TNRC6A: variants seen among roughly 807,000 people sequenced by gnomAD.
The protein encoded by TNRC6A is trinucleotide repeat-containing gene 6A protein.
TNRC6A carries 44 observed loss-of-function variants against 221.2 expected under a neutral mutation model. The ratio of observed to expected loss-of-function variants is 0.20; its 90% CI spans 0.16 to 0.26. The LOEUF is 0.26. Ranked by LOEUF, TNRC6A falls within the 10% of genes least tolerant of loss-of-function variation. TNRC6A has a pLI of 1.00. For synonymous variants in TNRC6A, 847 were observed against 838.5 expected, an observed-to-expected ratio of 1.01 and a Z score of -0.18; for missense variants, 2,199 against 2,404.4, an observed-to-expected ratio of 0.91 and a Z score of 1.79.
In TNRC6A at chr16:24,791,452, C is replaced by T. The variant is rs1277127310; in HGVS notation, c.2810C>T (p.Ser937Leu). 7.8e-6 allele frequency: 12 copies of T among 1,531,372 alleles called. 1 individual carries two copies. The highest frequency in any genetic ancestry group is 1.8e-4 in the Middle Eastern group (1 of 5,668). 94.9% of individuals were successfully genotyped at this position (1,531,372 alleles called of 1,614,324 possible). The change falls in exon 6 of 25, where the codon TCG becomes TTG. Residue 937 changes from serine (S) to leucine (L), a missense_variant. Coordinates refer to ENST00000395799, the MANE Select transcript of TNRC6A (RefSeq NM_014494.4). ...AATCAGTCTCTAGGTTGGGGAGATT[C>T]GTCAAAGCCAGTCAGCTCTCCAGAC... ...KSNQSLGWGD[S>L]SKPVSSPDWN...
chr16:24,622,010 G>A (rs1168434078), intron 1 of TNRC6A, among the ~76,000 whole-genome samples: 1 of 152,184 alleles, frequency 6.6e-6, no homozygotes, highest in Non-Finnish European at 1.5e-5. Flanking sequence ...AATGTATATT[G>A]TATTAGAAAA....
intron 1 of TNRC6A, among the ~76,000 whole-genome samples, chr16:24,620,237 C>T (rs765811629): frequency 2.0e-5 from 3 of 152,152 alleles, no homozygotes; most frequent in Admixed American, 6.5e-5. Flanking sequence ...AGTACTTCTG[C>T]AAGCCTCAAT....
chr16:24,805,141 T>C lies in TNRC6A; in HGVS notation c.4112T>C (p.Leu1371Pro). 1 of 1,614,140 alleles carries C rather than the reference T, an allele frequency of 6.2e-7. No individual in the cohort carries two copies. The highest frequency in any genetic ancestry group is 8.5e-7 in the Non-Finnish European group (1 of 1,180,016). ...NLRAQVPPPL[L>P]SPQVPVSLLK... ...CGTGCTCAAGTGCCTCCTCCATTACTCTCCCCTCAGGTAAATAAGCTTTCC... is the reference window on the plus strand; with the variant it reads ...CGTGCTCAAGTGCCTCCTCCATTACCCTCCCCTCAGGTAAATAAGCTTTCC... The change falls in exon 14 of 25, where the codon CTC (leucine) becomes CCC (proline). Residue 1371 changes from leucine (L) to proline (P), a missense_variant. Leu to Pro is a moderately conservative substitution (Grantham distance 98). Coordinates refer to ENST00000395799, the MANE Select transcript of TNRC6A (RefSeq NM_014494.4).
At chr16:24,628,098 C>T (rs1035014427) in intron 1 of TNRC6A, among the ~76,000 whole-genome samples, 12 of 151,854 alleles carry the variant, frequency 7.9e-5, no homozygotes, top group African/African-American at 2.9e-4. Context: ...GTTTGAACTG[C>T]ACAGTTTACT....
At chr16:24,819,714 G>T in intron 21 of TNRC6A, 1 of 199,266 alleles carries the variant, frequency 5.0e-6, no homozygotes, top group South Asian at 8.9e-5. Flanking sequence ...ATCTCCTTTG[G>T]CAGCTCCTGA....
intron 4 of TNRC6A, among the ~76,000 whole-genome samples, chr16:24,758,878 A>G (rs1484722415): frequency 6.6e-6 from 1 of 151,940 alleles, no homozygotes; most frequent in Non-Finnish European, 1.5e-5. Context: ...ATTAGACCCC[A>G]AGCAAAAGAC....
chr16:24,771,628 T>TGTTATG (rs1567449399), intron 4 of TNRC6A, among the ~76,000 whole-genome samples: 1 of 151,794 alleles, frequency 6.6e-6, no homozygotes, highest in Non-Finnish European at 1.5e-5. Flanking sequence ...TGTTATGTTA[T>TGTTATG]TCAGGAGTTG....
chr16:24,683,205 A>G (rs963893694), intron 2 of TNRC6A, among the ~76,000 whole-genome samples: 1 of 151,868 alleles, frequency 6.6e-6, no homozygotes, highest in Admixed American at 6.6e-5. Flanking sequence ...TGTTGTTACT[A>G]TTGTTGTTTT....
chr16:24,811,453 A>G lies in TNRC6A; in HGVS notation c.4672+1972A>G, dbSNP rs370905081. ...TTTTATTTTAGCCTTGGTTGGAGGC[A>G]GTTGGGCAAGGCTTCTAGGAGGCCT... On this transcript the variant is annotated intron_variant, in intron 18 of 24. Coordinates refer to ENST00000395799, the MANE Select transcript of TNRC6A (RefSeq NM_014494.4). Among the ~76,000 whole-genome samples, 4 of 152,144 alleles carry G rather than the reference A, an allele frequency of 2.6e-5. No individual in the cohort carries two copies. In the South Asian group the frequency reaches 6.2e-4, roughly 24 times the overall value.
intron 1 of TNRC6A, among the ~76,000 whole-genome samples, chr16:24,635,069 T>A (rs1901555561): frequency 6.6e-6 from 1 of 151,440 alleles, no homozygotes; most frequent in South Asian, 2.1e-4. Flanking sequence ...GTCACCTTTC[T>A]TTCTTTTTCT....
chr16:24,639,713 T>G (rs1385313269), intron 1 of TNRC6A, among the ~76,000 whole-genome samples: 1 of 152,078 alleles, frequency 6.6e-6, no homozygotes, highest in African/African-American at 2.4e-5. Context: ...TGATCATAGC[T>G]CACTGTAGCC....
chr16:24,809,117 T>TTA (rs1235715673), intron 17 of TNRC6A, among the ~76,000 whole-genome samples: 2 of 152,230 alleles, frequency 1.3e-5, no homozygotes, highest in African/African-American at 4.8e-5. Context: ...CCAAGTAAAC[T>TTA]TATACATCTG....
intron 2 of TNRC6A, among the ~76,000 whole-genome samples, chr16:24,703,789 T>G (rs2056036052): frequency 6.6e-6 from 1 of 152,130 alleles, no homozygotes; most frequent in South Asian, 2.1e-4. Flanking sequence ...ACTCTATGTT[T>G]AGATTTTTTT....
intron 2 of TNRC6A, among the ~76,000 whole-genome samples, chr16:24,687,840 A>AGAG (rs776184150): frequency 7.0e-6 from 1 of 143,210 alleles, no homozygotes; most frequent in Non-Finnish European, 1.5e-5. Flanking sequence ...AGGAAGAGGA[A>AGAG]GAGGAAGAAG....
At chr16:24,765,958 G>A (rs566880100) in intron 4 of TNRC6A, among the ~76,000 whole-genome samples, 52 of 152,200 alleles carry the variant, frequency 3.4e-4, no homozygotes, top group South Asian at 1.2e-3. Context: ...ACGTAGATTT[G>A]TTGCTTTTAA....
intron 5 of TNRC6A, among the ~76,000 whole-genome samples, chr16:24,781,211 A>G (rs974776175): frequency 1.3e-5 from 2 of 151,662 alleles, no homozygotes; most frequent in African/African-American, 4.9e-5. Flanking sequence ...GGCGTTCACC[A>G]CCACACCTGG....
intron 13 of TNRC6A, 55 bp from the exon 14 acceptor site, chr16:24,804,956 AATG>A: frequency 6.2e-7 from 1 of 1,614,024 alleles, no homozygotes; most frequent in South Asian, 1.1e-5. Flanking sequence ...ACAGTGTGGT[AATG>A]AGATGTTTGT....
intron 2 of TNRC6A, among the ~76,000 whole-genome samples, chr16:24,673,395 G>C (rs897825953): frequency 2.0e-5 from 3 of 152,096 alleles, no homozygotes; most frequent in African/African-American, 7.2e-5. Flanking sequence ...GTGTTCCACA[G>C]CCTTCCCAGA....
intron 2 of TNRC6A, among the ~76,000 whole-genome samples, chr16:24,654,533 C>T (rs111668275): frequency 6.6e-6 from 1 of 151,968 alleles, no homozygotes; most frequent in Admixed American, 6.6e-5. Flanking sequence ...GGTGAAACCC[C>T]GTCTATACTT....
Sources: allele counts gnomAD v4.1 joint callset (sites outside exome capture counted in the v4.1 genomes callset), GRCh38; gene constraint gnomAD v4.1.1; transcripts MANE v1.5; gene names NCBI Gene and HGNC (gene_info 2026-07-23, HGNC 2026-07-21).